Variants in RANBP2 observed in about 807,000 individuals in gnomAD.
RANBP2 encodes the protein E3 SUMO-protein ligase RanBP2.
RANBP2 carries 57 observed loss-of-function variants against 303.6 expected under a neutral mutation model. The observed-to-expected ratio is 0.19, with a 90% confidence interval of 0.15 to 0.23. The LOEUF (loss-of-function observed/expected upper bound fraction) is 0.23, where lower values mean the gene tolerates loss of function less well. Ranked by LOEUF, RANBP2 falls within the 10% of genes least tolerant of loss-of-function variation. The probability of loss-of-function intolerance (pLI) is 1.00; values close to 1 mark genes in which losing one functional copy is unlikely to be tolerated. For synonymous variants in RANBP2, 1,167 were observed against 1,301.5 expected (o/e 0.90, Z 2.23); for missense variants, 3,138 against 3,780.8 (o/e 0.83, Z 4.46).
At chr2:108,798,637 T>G in the RANBP2 span, 3 of 1,389,526 alleles carry the variant, frequency 2.2e-6, no homozygotes, top group South Asian at 2.6e-5. Context: ...CTTTTCTTCT[T>G]AGATTCACTA....
the RANBP2 span, among the ~76,000 whole-genome samples, chr2:109,240,331 C>CA: frequency 2.0e-5 from 3 of 151,946 alleles, no homozygotes; most frequent in Admixed American, 6.6e-5. Context: ...ACTAAAAATA[C>CA]AAAAAAATTA....
At chr2:109,148,834 A>T in the RANBP2 span, among the ~76,000 whole-genome samples, 7 of 112,204 alleles carry the variant, frequency 6.2e-5, no homozygotes, top group African/African-American at 2.5e-4. Flanking sequence ...GACAGCAATC[A>T]TGGCAGTGTT....
At chr2:108,869,886 A>G in the RANBP2 span, among the ~76,000 whole-genome samples, 1 of 152,196 alleles carries the variant, frequency 6.6e-6, no homozygotes, top group Non-Finnish European at 1.5e-5. Flanking sequence ...AAAAAATCGT[A>G]GAACACGCAA....
At chr2:109,673,533 G>A in the RANBP2 span, among the ~76,000 whole-genome samples, 1 of 152,174 alleles carries the variant, frequency 6.6e-6, no homozygotes, top group Non-Finnish European at 1.5e-5. Flanking sequence ...ATTTGGGTGG[G>A]CATCAGAAAT....
chr2:108,953,213 T>A, the RANBP2 span, among the ~76,000 whole-genome samples: 1 of 152,226 alleles, frequency 6.6e-6, no homozygotes, highest in Non-Finnish European at 1.5e-5. Flanking sequence ...GCTAAGCCGA[T>A]GCTTCAGAAT....
chr2:109,730,849 C>T, the RANBP2 span, among the ~76,000 whole-genome samples: 6 of 136,690 alleles, frequency 4.4e-5, no homozygotes, highest in South Asian at 2.4e-4. Context: ...AGTGCAGTGG[C>T]GCAATCTCAG....
intron 1 of RANBP2, chr2:108,719,952 G>A (rs1446106301): frequency 1.0e-6 from 1 of 985,168 alleles, no homozygotes; most frequent in East Asian, 1.1e-4. Flanking sequence ...TCCTGGGGCC[G>A]CCCTGGCCCG....
the RANBP2 span, among the ~76,000 whole-genome samples, chr2:109,480,910 A>C: frequency 6.6e-6 from 1 of 152,156 alleles, no homozygotes; most frequent in African/African-American, 2.4e-5. Flanking sequence ...TCTTAAAAGA[A>C]TGTCTAGAAG....
chr2:109,165,120 C>G, the RANBP2 span, among the ~76,000 whole-genome samples: 1 of 152,180 alleles, frequency 6.6e-6, no homozygotes, highest in Non-Finnish European at 1.5e-5. Flanking sequence ...TGGCTTCCCC[C>G]CTCCTTTAGT....
At chr2:108,774,972 A>C (rs1489884312) in intron 23 of RANBP2, among the ~76,000 whole-genome samples, 1 of 152,136 alleles carries the variant, frequency 6.6e-6, no homozygotes, top group African/African-American at 2.4e-5. Flanking sequence ...GATTGCAGGC[A>C]TGAGCCACTG....
At chr2:108,791,002 T>TA in the RANBP2 span, among the ~76,000 whole-genome samples, 12 of 152,268 alleles carry the variant, frequency 7.9e-5, no homozygotes, top group African/African-American at 2.6e-4. Flanking sequence ...GCTCAAGAGA[T>TA]ACTCCCACTT....
Position 108,751,685 on chromosome 2 carries a change from T to A in RANBP2, c.1613T>A (p.Leu538Gln). The A allele has an allele frequency of 6.2e-7, 1 of 1,611,142 alleles. No individual in the cohort carries two copies. Among genetic ancestry groups the A allele is most frequent in the South Asian group, 1.1e-5 (1 of 90,914 alleles). The part of the protein sequence containing the change: ...QKSWWDAVCT[L>Q]IHRKAVPGNV... ...TCTTGGTGGGATGCGGTTTGTACTC[T>A]GATTCACAGAAAAGCAGTGTAAGTA... The change falls in exon 11 of 29, where the codon CTG becomes CAG. Residue 538 changes from leucine (L) to glutamine (Q), a missense_variant. This residue lies in a region of RANBP2 where 162 missense variants were observed against 286.9 expected (regional missense o/e 0.56). Coordinates refer to ENST00000283195, the MANE Select transcript of RANBP2 (RefSeq NM_006267.5).
the RANBP2 span, among the ~76,000 whole-genome samples, chr2:109,428,418 C>T: frequency 6.6e-6 from 1 of 152,240 alleles, no homozygotes; most frequent in Non-Finnish European, 1.5e-5. Flanking sequence ...ACAGGCTGCA[C>T]GTGAAAGCAG....
the RANBP2 span, among the ~76,000 whole-genome samples, chr2:109,359,401 G>C: frequency 6.6e-6 from 1 of 151,788 alleles, no homozygotes; most frequent in Admixed American, 6.6e-5. Context: ...TCCTATCCAT[G>C]AACATGAAAT....
At chr2:108,901,082 T>C in the RANBP2 span, among the ~76,000 whole-genome samples, 32 of 152,190 alleles carry the variant, frequency 2.1e-4, no homozygotes, top group African/African-American at 7.5e-4. Context: ...AACAGCAGAA[T>C]ACACATTGTT....
chr2:109,335,481 C>G, the RANBP2 span, among the ~76,000 whole-genome samples: 1 of 152,198 alleles, frequency 6.6e-6, no homozygotes, highest in African/African-American at 2.4e-5. Flanking sequence ...CGTCGACTAG[C>G]CCTCGCTCAT....
chr2:108,811,247 C>CTCTTTTTTTTTTTT, the RANBP2 span, among the ~76,000 whole-genome samples: 11 of 113,902 alleles, frequency 9.7e-5, no homozygotes, highest in South Asian at 3.0e-4. Flanking sequence ...TTCTCTCTCT[C>CTCTTTTTTTTTTTT]TTTTTTTTTT....
chr2:109,285,194 A>G, the RANBP2 span, among the ~76,000 whole-genome samples: 1 of 152,208 alleles, frequency 6.6e-6, no homozygotes, highest in African/African-American at 2.4e-5. Context: ...TGAGCCTGGC[A>G]CTGGCCTTCT....
At chr2:108,986,028 G>A in the RANBP2 span, among the ~76,000 whole-genome samples, 1 of 152,134 alleles carries the variant, frequency 6.6e-6, no homozygotes, top group Non-Finnish European at 1.5e-5. Flanking sequence ...AGCTTTGACT[G>A]TACAGGGTCA....
Sources: gnomAD v4.1 joint callset for allele counts (sites outside exome capture counted in the v4.1 genomes callset) on GRCh38, gnomAD v4.1.1 for gene constraint, gnomAD v4.1.1 regional missense constraint, MANE v1.5 for transcripts, NCBI Gene and HGNC (gene_info 2026-07-23, HGNC 2026-07-21) for gene names.